GSE1: variants seen among roughly 807,000 people sequenced by gnomAD.
The protein encoded by GSE1 is genetic suppressor element 1.
In GSE1, 32 loss-of-function variants were observed where a neutral mutation model predicts 112.6. The observed-to-expected ratio is 0.28, with a 90% confidence interval of 0.21 to 0.38. The LOEUF is 0.38. Among genes scored for constraint, GSE1 ranks in the 10% least tolerant of loss-of-function variants. The probability of loss-of-function intolerance (pLI) is 1.00; values close to 1 mark genes in which losing one functional copy is unlikely to be tolerated. For missense variants in GSE1, 2,348 were observed against 1,699.2 expected (o/e 1.38, Z -6.71); for synonymous variants, 1,115 against 735.6 (o/e 1.52, Z -8.35).
chr16:85,647,445 T>C (rs1418092736), intron 2 of GSE1, among the ~76,000 whole-genome samples: 1 of 152,212 alleles, frequency 6.6e-6, no homozygotes, highest in Non-Finnish European at 1.5e-5. Flanking sequence ...TATCTCATTT[T>C]CTGAAATTTA....
At chr16:85,426,155 A>T (rs543977915) in intron 2 of GSE1, among the ~76,000 whole-genome samples, 1 of 145,942 alleles carries the variant, frequency 6.9e-6, no homozygotes, top group African/African-American at 2.6e-5. Flanking sequence ...GGATGAATGG[A>T]TGGGTGGGTG....
chr16:85,184,363 C>A (rs1467296640), intron 1 of GSE1, among the ~76,000 whole-genome samples: 1 of 152,174 alleles, frequency 6.6e-6, no homozygotes, highest in African/African-American at 2.4e-5. Context: ...ATCTTGTATT[C>A]CCTAGGGGAA....
chr16:85,295,321 G>A (rs903115644), intron 1 of GSE1, among the ~76,000 whole-genome samples: 1 of 152,180 alleles, frequency 6.6e-6, no homozygotes, highest in Non-Finnish European at 1.5e-5. Context: ...CCAGCCTGGG[G>A]CGAAACCCTG....
chr16:85,409,337 AG>A (rs1429752695), intron 2 of GSE1, among the ~76,000 whole-genome samples: 10 of 35,708 alleles, frequency 2.8e-4, no homozygotes, highest in East Asian at 1.3e-3. Context: ...TGTTACACTC[AG>A]GGCCCCCCTG....
At chr16:85,433,245 A>G (rs2049163357) in intron 2 of GSE1, among the ~76,000 whole-genome samples, 1 of 152,054 alleles carries the variant, frequency 6.6e-6, no homozygotes, top group South Asian at 2.1e-4. Context: ...TTTAATCTTC[A>G]TAAGAACCCC....
At chr16:85,186,929 C>A (rs569942037) in intron 1 of GSE1, among the ~76,000 whole-genome samples, 1 of 152,238 alleles carries the variant, frequency 6.6e-6, no homozygotes, top group Non-Finnish European at 1.5e-5. Context: ...GACCCTCTGA[C>A]GGGTGTACCA....
chr16:85,300,504 C>T (rs559641697), intron 1 of GSE1, among the ~76,000 whole-genome samples: 2 of 152,228 alleles, frequency 1.3e-5, no homozygotes, highest in Non-Finnish European at 2.9e-5. Flanking sequence ...CTCTAAGGAG[C>T]TGCCTGTCCG....
At chr16:85,262,994 A>AAGGAGACAGTACAGGAAT (rs1478440317) in intron 1 of GSE1, among the ~76,000 whole-genome samples, 1 of 152,218 alleles carries the variant, frequency 6.6e-6, no homozygotes, top group African/African-American at 2.4e-5. Context: ...TCTAGCAGGG[A>AAGGAGACAGTACAGGAAT]AGGAGACAGT....
At chr16:85,320,322 C>G (rs1657356366) in intron 1 of GSE1, among the ~76,000 whole-genome samples, 2 of 152,226 alleles carry the variant, frequency 1.3e-5, no homozygotes. Flanking sequence ...ACGCAGAACA[C>G]CAGGCCCGTT....
intron 2 of GSE1, among the ~76,000 whole-genome samples, chr16:85,519,256 A>G (rs2052057384): frequency 7.4e-6 from 1 of 134,768 alleles, no homozygotes. Flanking sequence ...CGTCACTTTT[A>G]CCACCATCAC....
rs77089058 is a variant in GSE1 at position 85,467,661 on chromosome 16, G to A, written c.2464+110018G>A. On this transcript the variant is annotated intron_variant, in intron 2 of 2. Transcript: ENST00000637419. ...GTCCCAAGAGAGGCCAGTAGAAGCT[G>A]TGTGGCCTTTCCTGACCTAGCCAAA... Among the ~76,000 whole-genome samples, 352 of 152,302 alleles carry A rather than the reference G, an allele frequency of 2.3e-3. 2 individuals are homozygous for A. The highest frequency in any genetic ancestry group is 2.8e-3 in the Non-Finnish European group (191 of 68,022).
intron 1 of GSE1, among the ~76,000 whole-genome samples, chr16:85,588,746 G>T (rs73269294): frequency 0.045 from 6,805 of 152,242 alleles, 492 homozygotes; most frequent in African/African-American, 0.15. Flanking sequence ...TTAACAAGGA[G>T]CACTTTCCTG....
upstream of GSE1, chr16:85,555,607 C>A: frequency 1.1e-6 from 1 of 935,538 alleles, no homozygotes; most frequent in Non-Finnish European, 1.3e-6. Flanking sequence ...CCCCTCCTCA[C>A]CCAGTAGCTA....
chr16:85,265,837 C>G (rs1908180529), intron 1 of GSE1, among the ~76,000 whole-genome samples: 1 of 152,150 alleles, frequency 6.6e-6, no homozygotes, highest in South Asian at 2.1e-4. Context: ...TGATGAGCAG[C>G]CCAGGGCCAG....
At chr16:85,436,118 A>G (rs999316756) in intron 2 of GSE1, among the ~76,000 whole-genome samples, 36 of 152,326 alleles carry the variant, frequency 2.4e-4, no homozygotes, top group African/African-American at 7.9e-4. Flanking sequence ...GTTAGGAGTC[A>G]GGGGTCACTG....
At chr16:85,644,342 T>C (rs112084036) in intron 2 of GSE1, among the ~76,000 whole-genome samples, 1,079 of 89,966 alleles carry the variant, frequency 0.012, 18 homozygotes, top group African/African-American at 0.051. Flanking sequence ...AGATCCTGTC[T>C]CAAAAAAAAA....
At chr16:85,656,932 T>C (rs1325389687) in intron 7 of GSE1, among the ~76,000 whole-genome samples, 1 of 152,248 alleles carries the variant, frequency 6.6e-6, no homozygotes, top group Non-Finnish European at 1.5e-5. Flanking sequence ...TCGTTGATTT[T>C]ATTTCTCTGT....
At chr16:85,554,626 G>A (rs1457790635), upstream of GSE1, among the ~76,000 whole-genome samples, 4 of 152,172 alleles carry the variant, frequency 2.6e-5, no homozygotes, top group African/African-American at 9.7e-5. Context: ...CTCGCCCGAG[G>A]AGCTCACCAG....
At chr16:85,470,406 G>T (rs1043520605) in intron 2 of GSE1, among the ~76,000 whole-genome samples, 3 of 149,056 alleles carry the variant, frequency 2.0e-5, no homozygotes, top group African/African-American at 7.7e-5. Flanking sequence ...ACTTGCCCGA[G>T]GCCCCGGACG....
Sources: gnomAD v4.1 joint callset for allele counts (sites outside exome capture counted in the v4.1 genomes callset) on GRCh38, gnomAD v4.1.1 for gene constraint, MANE v1.5 for transcripts, NCBI Gene and HGNC (gene_info 2026-07-23, HGNC 2026-07-21) for gene names.